The following AKNAD1 variants were observed in gnomAD, a reference collection of about 807,000 sequenced individuals.
The protein encoded by AKNAD1 is protein AKNAD1.
In AKNAD1, 67 loss-of-function variants were observed where a neutral mutation model predicts 90.8. That is an observed-to-expected ratio of 0.74 (90% CI 0.61 to 0.90). The LOEUF is 0.90. Ranked by LOEUF, AKNAD1 falls within the 40% of genes least tolerant of loss-of-function variation. The probability of loss-of-function intolerance (pLI) is 0.00; values close to 1 mark genes in which losing one functional copy is unlikely to be tolerated. For missense variants in AKNAD1, 957 were observed against 975.4 expected, an observed-to-expected ratio of 0.98 and a Z score of 0.25; for synonymous variants, 327 against 341.4, an observed-to-expected ratio of 0.96 and a Z score of 0.46.
chr1:108,849,567 T>C lies in AKNAD1; in HGVS notation c.1003A>G (p.Ile335Val), dbSNP rs1664791404. 1.3e-6 allele frequency: 2 copies of C among 1,597,422 alleles called. No individual in the cohort carries two copies. Residue 335 changes from isoleucine to valine, a missense_variant, in exon 3 of 16, where the codon ATA becomes GTA. Coordinates refer to ENST00000370001, the MANE Select transcript of AKNAD1 (RefSeq NM_152763.5). Reference protein sequence around the residue: ...EPSQQIQMEPIVHIHQELLTG... With the variant: ...EPSQQIQMEPVVHIHQELLTG... ...AGAAGTTCTTGGTGGATATGTACTA[T>C]GGGCTCCATCTGCACAATTAAAGGG...
chr1:108,829,885 C>G (rs1664131343), intron 10 of AKNAD1, among the ~76,000 whole-genome samples: 1 of 152,210 alleles, frequency 6.6e-6, no homozygotes, highest in Non-Finnish European at 1.5e-5. Flanking sequence ...CTGAAAGAAG[C>G]TTCAAATAAA....
intron 5 of AKNAD1, among the ~76,000 whole-genome samples, chr1:108,847,747 C>T (rs529650666): frequency 6.6e-6 from 1 of 152,320 alleles, no homozygotes; most frequent in South Asian, 2.1e-4. Flanking sequence ...GAAGTGACTT[C>T]CAGGAAGCCT....
intron 5 of AKNAD1, 83 bp downstream of exon 5, chr1:108,848,667 GAA>G: frequency 8.0e-7 from 1 of 1,252,226 alleles, no homozygotes; most frequent in South Asian, 1.4e-5. Flanking sequence ...CCACTGTAGA[GAA>G]AACATGGCAC....
chr1:108,844,277 C>T (rs1335889684), intron 5 of AKNAD1, among the ~76,000 whole-genome samples: 1 of 152,054 alleles, frequency 6.6e-6, no homozygotes. Context: ...GCAGGAAAAT[C>T]ACTTGAGCCC....
In AKNAD1 at chr1:108,843,127, A is replaced by C. The variant is rs1294316544; in HGVS notation, c.1379+7T>G. 6.2e-7 allele frequency: 1 copy of C among 1,613,842 alleles called. No homozygotes were observed. The highest frequency in any genetic ancestry group is 8.5e-7 in the Non-Finnish European group (1 of 1,179,902). On this transcript the variant is annotated splice_region_variant and intron_variant, in intron 6 of 15. Coordinates refer to ENST00000370001, the MANE Select transcript of AKNAD1 (RefSeq NM_152763.5). ...CTTCCACCTTACACAGTTGGTTTAA[A>C]TCTGACCTTTCTGGATCAAAGTCAC...
chr1:108,837,194 C>G (rs1366374653), intron 7 of AKNAD1: 1 of 167,748 alleles, frequency 6.0e-6, no homozygotes, highest in South Asian at 1.6e-4. Context: ...GATCGTGCTA[C>G]CACACTCCAG....
At chr1:108,855,373 A>C (rs1317265391) in intron 1 of AKNAD1, among the ~76,000 whole-genome samples, 1 of 149,156 alleles carries the variant, frequency 6.7e-6, no homozygotes, top group Non-Finnish European at 1.5e-5. Flanking sequence ...AGATCGCGCC[A>C]CTGCACTCCA....
chr1:108,844,377 C>CATATATAT (rs35559697), intron 5 of AKNAD1, among the ~76,000 whole-genome samples: 4 of 145,060 alleles, frequency 2.8e-5, no homozygotes, highest in African/African-American at 5.1e-5. Flanking sequence ...TCTCTCTCTC[C>CATATATAT]ATATATATAT....
At chr1:108,849,640 A>C in intron 2 of AKNAD1, 64 bp from the exon 3 acceptor site, 1 of 1,138,758 alleles carries the variant, frequency 8.8e-7, no homozygotes, top group South Asian at 1.3e-5. Context: ...ACCGTTCAGA[A>C]TGACCCAACA....
At chr1:108,835,094 C>T in intron 7 of AKNAD1, 38 bp from the exon 8 acceptor site, 2 of 1,564,272 alleles carry the variant, frequency 1.3e-6, no homozygotes, top group South Asian at 2.4e-5. Context: ...ATTAGAGCCA[C>T]AGTCCCACTG....
chr1:108,829,877 G>T (rs1664131125), intron 10 of AKNAD1, among the ~76,000 whole-genome samples: 1 of 152,202 alleles, frequency 6.6e-6, no homozygotes, highest in South Asian at 2.1e-4. Context: ...CTCGCTACCT[G>T]AAAGAAGCTT....
chr1:108,849,625 A>G (rs368354349), intron 2 of AKNAD1, 49 bp from the exon 3 acceptor site: 26 of 1,312,680 alleles, frequency 2.0e-5, no homozygotes, highest in Middle Eastern at 3.6e-4. Context: ...TTGATCAATG[A>G]CACCACCGTT....
In AKNAD1 at chr1:108,852,584, C is replaced by A. The variant is rs2101220653; in HGVS notation, c.81G>T (p.Lys27Asn). 1 of 1,612,654 alleles carries A rather than the reference C, an allele frequency of 6.2e-7. No homozygotes were observed. Among genetic ancestry groups the A allele is most frequent in the East Asian group, 2.2e-5 (1 of 44,876 alleles). Residue 27 changes from lysine (K) to asparagine (N), a missense_variant, in exon 2 of 16, where the codon AAG becomes AAT. Lys to Asn is a moderately conservative substitution (Grantham distance 94). Coordinates refer to ENST00000370001, the MANE Select transcript of AKNAD1 (RefSeq NM_152763.5). ...AGGTAAAACTGTAATCATTGCCTATCTTAATCTGAGAGAGGTCCCCATCAT... is the reference window on the plus strand; with the variant it reads ...AGGTAAAACTGTAATCATTGCCTATATTAATCTGAGAGAGGTCCCCATCAT... ...LPYDGDLSQI[K>N]IGNDYSFTSK...
Position 108,849,580 on chromosome 1 carries a change from C to T in AKNAD1, c.994-4G>A. 2 of 1,593,592 alleles carry T rather than the reference C, an allele frequency of 1.3e-6. No individual in the cohort carries two copies. The highest frequency in any genetic ancestry group is 1.7e-6 in the Non-Finnish European group (2 of 1,161,530). ...GGATATGTACTATGGGCTCCATCTG[C>T]ACAATTAAAGGGTAAGAAAACGTTA... is the stretch of plus-strand genomic sequence containing the variant. On this transcript the variant is annotated splice_polypyrimidine_tract_variant and splice_region_variant and intron_variant, in intron 2 of 15. Transcript: ENST00000370001.
At position 108,851,657 on chromosome 1, in the gene AKNAD1, G is replaced by A. The variant is rs764319863; in HGVS notation, c.993+15C>T. ...GGTCCCAATTAATGTGTTTACAGGA[G>A]ACTGTTTCATTTACCTGGATTTGTT... On this transcript the variant is annotated intron_variant, in intron 2 of 15. Coordinates refer to ENST00000370001, the MANE Select transcript of AKNAD1 (RefSeq NM_152763.5). 1 of 1,565,888 alleles carries A rather than the reference G, an allele frequency of 6.4e-7. No individual in the cohort carries two copies. Among genetic ancestry groups the A allele is most frequent in the South Asian group, 1.2e-5 (1 of 81,170 alleles).
At chr1:108,832,950 C>T (rs1570807405) in intron 9 of AKNAD1, among the ~76,000 whole-genome samples, 1 of 152,114 alleles carries the variant, frequency 6.6e-6, no homozygotes, top group East Asian at 1.9e-4. Context: ...ACCATTTGAA[C>T]CATTAACTGC....
Position 108,820,554 on chromosome 1 carries a change from G to A in AKNAD1, c.2240C>T (p.Thr747Ile). The change falls in exon 14 of 16, where the codon ACA becomes ATA. Residue 747 changes from threonine (T) to isoleucine (I), a missense_variant. By Grantham distance (89) the Thr-to-Ile change is moderately conservative. Coordinates refer to ENST00000370001, the MANE Select transcript of AKNAD1 (RefSeq NM_152763.5). ...SKSFKGEHEP[T>I]PGKKKLQAFM... The stretch of plus-strand genomic sequence containing the variant: ...ATGAAATAATACTTACTTTCCTGGT[G>A]TGGGCTCATGTTCACCTTTAAAGGA... 6.2e-7 allele frequency: 1 copy of A among 1,601,568 alleles called. No homozygotes were observed. The highest frequency in any genetic ancestry group is 8.6e-7 in the Non-Finnish European group (1 of 1,169,350).
Position 108,834,462 on chromosome 1 carries a change from C to CA in AKNAD1, c.1730dup (p.Ser578ValfsTer3). 6.2e-7 allele frequency: 1 copy of CA among 1,610,694 alleles called. No homozygotes were observed. The highest frequency in any genetic ancestry group is 8.5e-7 in the Non-Finnish European group (1 of 1,178,628). On this transcript the variant is annotated frameshift_variant, in exon 9 of 16. Transcript: ENST00000370001. LOFTEE classifies it high-confidence loss of function. ...AGGACATTACCCCAGAGTTAGAAGA[C>CA]AGCCTCATGGCCACTTGGTCTGGCT...
rs202065262 is a variant in AKNAD1 at position 108,834,935 on chromosome 1, G to A, written c.1658C>T (p.Pro553Leu). The stretch of plus-strand genomic sequence containing the variant: ...CTCCAGGGCTAGGACTCACGTCTGC[G>A]GGGCCAGCTCACAGAGCTCCTCGTT... ...APNEELCELA[P>L]QTYLNGHYGD... The change falls in exon 8 of 16, where the codon CCG becomes CTG. Residue 553 changes from proline (P) to leucine (L), a missense_variant. Physicochemically the swap from Pro to Leu is moderately conservative, Grantham distance 98. Transcript: ENST00000370001. 4.5e-5 allele frequency: 69 copies of A among 1,536,570 alleles called. No individual in the cohort carries two copies. The highest frequency in any genetic ancestry group is 7.2e-5 in the African/African-American group (5 of 69,472).
Sources: allele counts gnomAD v4.1 joint callset (sites outside exome capture counted in the v4.1 genomes callset), GRCh38; gene constraint gnomAD v4.1.1; transcripts MANE v1.5; gene names NCBI Gene and HGNC (gene_info 2026-07-23, HGNC 2026-07-21).